HLA-DRB1: variants seen among roughly 807,000 people sequenced by gnomAD.
HLA-DRB1 encodes major histocompatibility complex, class II, DR beta 1.
A neutral mutation model predicts 27.9 loss-of-function variants in HLA-DRB1; 10 were observed. The ratio of observed to expected loss-of-function variants is 0.36; its 90% CI spans 0.22 to 0.61. The LOEUF (loss-of-function observed/expected upper bound fraction) is 0.61. Among genes scored for constraint, HLA-DRB1 ranks in the 20% least tolerant of loss-of-function variants. HLA-DRB1 has a pLI of 0.73. For synonymous variants in HLA-DRB1, 57 were observed against 126.7 expected (o/e 0.45, Z 3.69); for missense variants, 118 against 306.3 (o/e 0.39, Z 4.59).
At chr6:32,580,501 C>T (rs1775272920) in intron 4 of HLA-DRB1, among the ~76,000 whole-genome samples, 1 of 116,188 alleles carries the variant, frequency 8.6e-6, no homozygotes, top group Non-Finnish European at 1.9e-5. Flanking sequence ...TAATTTGCTC[C>T]AGGATCTCAA....
intron 1 of HLA-DRB1, among the ~76,000 whole-genome samples, chr6:32,587,768 A>T (rs35597441): frequency 0.14 from 19,150 of 135,842 alleles, 2,277 homozygotes; most frequent in Admixed American, 0.22. Flanking sequence ...GTGCACTATG[A>T]CTCTCTAACA....
At chr6:32,584,113 C>A in exon 2 of HLA-DRB1, 1 of 1,375,880 alleles carries the variant, frequency 7.3e-7, no homozygotes, top group Non-Finnish European at 9.8e-7. Context: ...GCTCACCTCG[C>A]CGCTGCACTG....
intron 2 of HLA-DRB1, among the ~76,000 whole-genome samples, chr6:32,582,956 T>TTC (rs1775779369): frequency 2.2e-5 from 3 of 136,800 alleles, no homozygotes; most frequent in Admixed American, 7.7e-5. Flanking sequence ...ATAAAAATGT[T>TTC]GCAATATATT....
At chr6:32,584,724 C>CCTT (rs28986203) in intron 1 of HLA-DRB1, among the ~76,000 whole-genome samples, 42,032 of 79,026 alleles carry the variant, frequency 0.53, 9,981 homozygotes, top group Middle Eastern at 0.62. Context: ...ACTCTCTGCT[C>CCTT]CTCTCATCCC....
rs1207264870 is a variant in HLA-DRB1 at position 32,584,011 on chromosome 6, T to A, written c.370+98A>T. ...CTTCCTCTCTCTGTCTCTCTCTGTC[T>A]CTCTCTCACACACACACACACACAC... On this transcript the variant is annotated intron_variant, in intron 2 of 5. Coordinates refer to ENST00000360004, the Ensembl canonical transcript of HLA-DRB1. 1.5e-4 allele frequency: 47 copies of A among 311,432 alleles called. 13 individuals are homozygous for A. The highest frequency in any genetic ancestry group is 1.0e-3 in the South Asian group (27 of 25,958). The allele number at this position is 311,432 out of a possible 1,614,324, so 19.3% of individuals were successfully genotyped here. A position where few individuals can be genotyped will look rare whatever the true frequency, so the allele number is the denominator to read the frequency against.
intron 5 of HLA-DRB1, 99 bp from the exon 6 acceptor site, chr6:32,579,203 GA>G: frequency 3.0e-6 from 1 of 330,912 alleles, no homozygotes. Flanking sequence ...GCAGGAAGAA[GA>G]AAAAGAAGTT....
intron 1 of HLA-DRB1, among the ~76,000 whole-genome samples, chr6:32,585,964 T>C (rs1424728152): frequency 0.028 from 2,088 of 75,082 alleles, no homozygotes; most frequent in Admixed American, 0.05. Flanking sequence ...TGGCATATAG[T>C]GATGGCGACT....
intron 4 of HLA-DRB1, 22 bp from the exon 5 acceptor site, chr6:32,580,292 A>T (rs73726893): frequency 0.028 from 26,675 of 959,630 alleles, 2,811 homozygotes; most frequent in Admixed American, 0.1. Context: ...AGGAAAAGAT[A>T]TACACTTAAA....
At position 32,584,228 on chromosome 6, in the gene HLA-DRB1, C is replaced by A. The variant is rs41308498; in HGVS notation, c.251G>T (p.Arg84Leu). 1.9e-5 allele frequency: 28 copies of A among 1,488,962 alleles called. 1 individual carries two copies. The African/African-American group carries it at 3.2e-4, about 17-fold the overall frequency. 92.2% of individuals were successfully genotyped at this position (1,488,962 alleles called of 1,614,324 possible). ...GCTGTTCCAGTACTCAGCGTCAGGC[C>A]GCCCCAGCTCCGTCACCGCCCGGAA... The change falls in exon 2 of 6, where the codon CGG becomes CTG. Residue 84 changes from arginine (R) to leucine (L), a missense_variant. By Grantham distance (102) the Arg-to-Leu change is moderately radical. Around this residue, in one of 5 missense-constraint regions of HLA-DRB1, gnomAD observed 42 missense variants for 104.2 expected, o/e 0.40. Coordinates refer to ENST00000360004, the Ensembl canonical transcript of HLA-DRB1.
At chr6:32,588,762 T>C (rs1776909808) in intron 1 of HLA-DRB1, among the ~76,000 whole-genome samples, 1 of 69,196 alleles carries the variant, frequency 1.4e-5, no homozygotes, top group African/African-American at 5.9e-5. Context: ...CATTATTAAA[T>C]TTCTGATAGT....
chr6:32,579,823 G>GAAAAGTTCTCCAAGTCCCCACCCCAC (rs1554122881), intron 5 of HLA-DRB1, among the ~76,000 whole-genome samples: 7 of 40,468 alleles, frequency 1.7e-4, no homozygotes, highest in South Asian at 6.1e-4. Context: ...CCTCTTGTAG[G>GAAAAGTTCTCCAAGTCCCCACCCCAC]CCGGGCGCGG....
At chr6:32,580,566 T>C (rs1291585735) in intron 4 of HLA-DRB1, among the ~76,000 whole-genome samples, 180 bp downstream of exon 4, 1 of 131,742 alleles carries the variant, frequency 7.6e-6, no homozygotes, top group East Asian at 2.4e-4. Flanking sequence ...CCACAAGCTA[T>C]TATGCTTTCA....
exon 1 of HLA-DRB1, chr6:32,589,839 G>T: frequency 7.2e-6 from 3 of 419,506 alleles, no homozygotes; most frequent in Non-Finnish European, 8.0e-6. Flanking sequence ...GTTATAGGGA[G>T]GAAGTTACTG....
chr6:32,585,018 G>A (rs9270004), intron 1 of HLA-DRB1, among the ~76,000 whole-genome samples: 1 of 71,300 alleles, frequency 1.4e-5, no homozygotes. Flanking sequence ...AATTATGGTT[G>A]TGTATCTGAA....
intron 4 of HLA-DRB1, 119 bp downstream of exon 4, chr6:32,580,627 T>C (rs1314539807): frequency 3.4e-6 from 3 of 881,806 alleles, no homozygotes; most frequent in Admixed American, 2.6e-5. Flanking sequence ...ATTAGAGCCG[T>C]TTGGGGAAAG....
intron 1 of HLA-DRB1, among the ~76,000 whole-genome samples, chr6:32,584,667 GC>G (rs1776125772): frequency 7.7e-6 from 1 of 129,322 alleles, no homozygotes; most frequent in African/African-American, 2.9e-5. Flanking sequence ...AGGAGGATCC[GC>G]CCAGCACCGC....
chr6:32,581,374 T>C (rs28732319), intron 3 of HLA-DRB1, among the ~76,000 whole-genome samples, 183 bp downstream of exon 3: 13,190 of 59,288 alleles, frequency 0.22, 2,015 homozygotes, highest in East Asian at 0.31. Context: ...AGACTGCTTC[T>C]CCAGGAGGTA....
intron 1 of HLA-DRB1, 100 bp downstream of exon 1, chr6:32,589,543 A>C (rs35543780): frequency 1.9e-6 from 1 of 514,528 alleles, no homozygotes; most frequent in Non-Finnish European, 3.3e-6. Flanking sequence ...TCTGAAGAAA[A>C]CGTCACAATT....
intron 2 of HLA-DRB1, among the ~76,000 whole-genome samples, chr6:32,583,291 C>T (rs9269895): frequency 0.26 from 11,528 of 44,706 alleles, 4,681 homozygotes; most frequent in Non-Finnish European, 0.3. Flanking sequence ...ATTTCAACTT[C>T]TGGTGAATGT....
Sources: gnomAD v4.1 joint callset for allele counts (sites outside exome capture counted in the v4.1 genomes callset) on GRCh38, gnomAD v4.1.1 for gene constraint, gnomAD v4.1.1 regional missense constraint, MANE v1.5 for transcripts, NCBI Gene and HGNC (gene_info 2026-07-23, HGNC 2026-07-21) for gene names.